The following RRAGC variants were observed in gnomAD, a reference collection of about 807,000 sequenced individuals.
RRAGC encodes ras-related GTP-binding protein C.
A neutral mutation model predicts 37.1 loss-of-function variants in RRAGC; 8 were observed. That is an observed-to-expected ratio of 0.22 (90% CI 0.13 to 0.39). The LOEUF is 0.39. Among genes scored for constraint, RRAGC ranks in the 10% least tolerant of loss-of-function variants. The pLI is 1.00. For missense variants in RRAGC, 342 were observed against 497.6 expected, an observed-to-expected ratio of 0.69 and a Z score of 2.98; for synonymous variants, 190 against 181.1, an observed-to-expected ratio of 1.05 and a Z score of -0.39.
At chr1:38,849,859 G>C (rs1196184970) in intron 5 of RRAGC, among the ~76,000 whole-genome samples, 1 of 152,142 alleles carries the variant, frequency 6.6e-6, no homozygotes, top group Non-Finnish European at 1.5e-5. Context: ...TGGGAAATAT[G>C]AAACTATCCT....
intron 3 of RRAGC, 80 bp downstream of exon 3, chr1:38,855,628 C>G: frequency 8.9e-7 from 1 of 1,126,890 alleles, no homozygotes; most frequent in Non-Finnish European, 1.3e-6. Flanking sequence ...TAGCAGAAAG[C>G]TATGGTGTTT....
intron 5 of RRAGC, chr1:38,846,942 A>G (rs968187933): frequency 6.6e-6 from 1 of 151,918 alleles, no homozygotes; most frequent in African/African-American, 2.4e-5. Context: ...CATCTCTACT[A>G]AAAAATAAAA....
intron 2 of RRAGC, 134 bp downstream of exon 2, chr1:38,856,745 C>T (rs1642171977): frequency 2.7e-6 from 2 of 750,858 alleles, no homozygotes; most frequent in Admixed American, 2.5e-5. Context: ...TCTGCAACTG[C>T]ATCTCTTACA....
At position 38,859,542 on chromosome 1, in the gene RRAGC, C is replaced by T. The variant is rs1173576257; in HGVS notation, c.105G>A (p.Glu35=). ...CCCCTCCGCCCGCCGCCGCCGCCTC[C>T]TCTTCCTCCTCCTCCACGCCGTAGC... ...DFGYGVEEEE[E]EAAAAGGGVG... The change falls in exon 1 of 7, where the codon GAG becomes GAA. Residue 35 remains glutamate, a synonymous_variant. Coordinates refer to ENST00000373001, the MANE Select transcript of RRAGC (RefSeq NM_022157.4). The T allele has an allele frequency of 1.3e-6, 2 of 1,549,832 alleles. No individual in the cohort carries two copies. The highest frequency in any genetic ancestry group is 1.7e-6 in the Non-Finnish European group (2 of 1,147,508).
intron 3 of RRAGC, among the ~76,000 whole-genome samples, chr1:38,853,609 T>C (rs1642128521): frequency 6.6e-6 from 1 of 151,974 alleles, no homozygotes; most frequent in South Asian, 2.1e-4. Flanking sequence ...TAGCCAGGCG[T>C]GGTGGCGCAT....
chr1:38,852,542 C>T (rs1642113259), intron 3 of RRAGC, 54 bp from the exon 4 acceptor site: 1 of 837,380 alleles, frequency 1.2e-6, no homozygotes, highest in Non-Finnish European at 2.0e-6. Context: ...TGTTCTATGA[C>T]AACTATTATA....
intron 6 of RRAGC, among the ~76,000 whole-genome samples, 162 bp from the exon 7 acceptor site, chr1:38,839,866 G>C (rs901499403): frequency 2.6e-5 from 4 of 151,542 alleles, no homozygotes; most frequent in Admixed American, 2.0e-4. Flanking sequence ...CTGGTCATCG[G>C]TCAGGTGCAG....
intron 3 of RRAGC, among the ~76,000 whole-genome samples, chr1:38,853,385 T>C (rs749022805): frequency 3.9e-5 from 6 of 152,226 alleles, no homozygotes; most frequent in African/African-American, 9.6e-5. Flanking sequence ...CTTCATTATA[T>C]AGTCGCATCC....
At chr1:38,842,958 T>C (rs1337088362) in intron 6 of RRAGC, among the ~76,000 whole-genome samples, 2 of 152,172 alleles carry the variant, frequency 1.3e-5, no homozygotes, top group African/African-American at 4.8e-5. Context: ...TGTTTAAGGA[T>C]AGACATGAAG....
intron 5 of RRAGC, chr1:38,847,417 C>T (rs1046322969): frequency 1.4e-5 from 2 of 147,348 alleles, no homozygotes; most frequent in Non-Finnish European, 3.0e-5. Context: ...CAAGACCAGC[C>T]TAGGCAACAC....
chr1:38,845,852 G>A (rs1018794333), intron 6 of RRAGC, 87 bp downstream of exon 6: 19 of 1,138,566 alleles, frequency 1.7e-5, no homozygotes, highest in East Asian at 5.0e-5. Flanking sequence ...GTCTAACACT[G>A]CAATTATTAT....
At position 38,838,609 on chromosome 1, in the gene RRAGC, C is replaced by G. The variant is rs1417850364; in HGVS notation, c.*944G>C. 2 of 152,244 alleles carry G rather than the reference C, an allele frequency of 1.3e-5. No homozygotes were observed. The highest frequency in any genetic ancestry group is 4.8e-5 in the African/African-American group (2 of 41,454). 9.4% of individuals were successfully genotyped at this position (152,244 alleles called of 1,614,324 possible). On this transcript the variant is annotated 3_prime_UTR_variant, in exon 7 of 7. Transcript: ENST00000373001. ...GTATGTAAAACAATGCCTGTTGCAGCACCACGTGCTCACTCCAACTCCCAG... is the reference window on the plus strand; with the variant it reads ...GTATGTAAAACAATGCCTGTTGCAGGACCACGTGCTCACTCCAACTCCCAG...
rs1466386876 is a variant in RRAGC, at chr1:38,838,864, C to T, written c.*689G>A. The T allele has an allele frequency of 6.6e-6, 1 of 151,424 alleles. No individual in the cohort carries two copies. The highest frequency in any genetic ancestry group is 2.4e-5 in the African/African-American group (1 of 41,316). 9.4% of individuals were successfully genotyped at this position (151,424 alleles called of 1,614,324 possible). A position where few individuals can be genotyped will look rare whatever the true frequency, so the allele number is the denominator to read the frequency against. On this transcript the variant is annotated 3_prime_UTR_variant, in exon 7 of 7. Coordinates refer to ENST00000373001, the MANE Select transcript of RRAGC (RefSeq NM_022157.4). ...TCTAATGCAGAAGAAAGAACCCAGACATCTGGTACTCAGAACATAGGTGCA... is the reference window on the plus strand; with the variant it reads ...TCTAATGCAGAAGAAAGAACCCAGATATCTGGTACTCAGAACATAGGTGCA...
intron 3 of RRAGC, among the ~76,000 whole-genome samples, chr1:38,853,138 G>A (rs1157511748): frequency 3.3e-5 from 5 of 152,160 alleles, no homozygotes; most frequent in African/African-American, 9.7e-5. Flanking sequence ...AGTATCTGCT[G>A]AATAAACAAA....
chr1:38,850,321 T>C (rs1181610738), intron 5 of RRAGC, among the ~76,000 whole-genome samples: 2 of 152,038 alleles, frequency 1.3e-5, no homozygotes, highest in Non-Finnish European at 2.9e-5. Context: ...GAGACCATCC[T>C]GGTTAACATG....
chr1:38,849,970 GCCAC>G lies in RRAGC; in HGVS notation c.899+1641_899+1644del, dbSNP rs1442821035. ...GCCTGTAATCCCAGCGCTTTGGGAG[GCCAC>G]GGCGGGTGGATCACGAGGTCAGGAG... On this transcript the variant is annotated intron_variant, in intron 5 of 6. Coordinates refer to ENST00000373001, the MANE Select transcript of RRAGC (RefSeq NM_022157.4). Among the ~76,000 whole-genome samples the G allele has an allele frequency of 1.7e-3, 262 of 152,196 alleles. 1 individual carries two copies. Among genetic ancestry groups the G allele is most frequent in the African/African-American group, 5.9e-3 (246 of 41,528 alleles).
At position 38,859,631 on chromosome 1, in the gene RRAGC, C is replaced by G. The variant is rs1165242021; in HGVS notation, c.16G>C (p.Gly6Arg). Residue 6 changes from glycine (G) to arginine (R), a missense_variant, in exon 1 of 7, where the codon GGG (glycine) becomes CGG (arginine). This residue lies in a region of RRAGC where 104 missense variants were observed against 93.4 expected (regional missense o/e 1.11). Coordinates refer to ENST00000373001, the MANE Select transcript of RRAGC (RefSeq NM_022157.4). MSLQY[G>R]AEETPLAGSY... ...CCGGCGAGGGGCGTCTCCTCCGCCC[C>G]GTACTGCAGGGACATGGTGCTGGAG... The G allele has an allele frequency of 3.8e-6, 6 of 1,559,806 alleles. No homozygotes were observed. The highest frequency in any genetic ancestry group is 5.2e-6 in the Non-Finnish European group (6 of 1,153,598).
At chr1:38,840,906 G>A (rs1641955355) in intron 6 of RRAGC, among the ~76,000 whole-genome samples, 2 of 152,292 alleles carry the variant, frequency 1.3e-5, no homozygotes, top group African/African-American at 4.8e-5. Flanking sequence ...TGTGCCAAAT[G>A]TAAAATAAAA....
chr1:38,850,868 C>T (rs575907377), intron 5 of RRAGC, among the ~76,000 whole-genome samples: 166 of 151,938 alleles, frequency 1.1e-3, no homozygotes, highest in Non-Finnish European at 2.1e-3. Flanking sequence ...AAGCTGAGGT[C>T]TATGTTGCCC....
Sources: gnomAD v4.1 joint callset for allele counts (sites outside exome capture counted in the v4.1 genomes callset) on GRCh38, gnomAD v4.1.1 for gene constraint, gnomAD v4.1.1 regional missense constraint, MANE v1.5 for transcripts, NCBI Gene and HGNC (gene_info 2026-07-23, HGNC 2026-07-21) for gene names.